Variants in CNPY1 observed in about 807,000 individuals in gnomAD.
CNPY1 encodes canopy FGF signaling regulator 1, also known as protein canopy homolog 1.
Under a neutral mutation model 14.4 loss-of-function variants are expected in CNPY1, and 14 were observed. That is an observed-to-expected ratio of 0.97 (90% CI 0.64 to 1.52). The LOEUF (loss-of-function observed/expected upper bound fraction) is 1.52, where lower values mean the gene tolerates loss of function less well. CNPY1 is among the 40% of genes most tolerant of loss of function. CNPY1 has a pLI of 0.00. For synonymous variants in CNPY1, 43 were observed against 46.5 expected (o/e 0.92, Z 0.31); for missense variants, 129 against 131.5 (o/e 0.98, Z 0.09).
chr7:155,532,702 ATT>A (rs11348912), intron 2 of CNPY1, among the ~76,000 whole-genome samples: 73 of 151,592 alleles, frequency 4.8e-4, no homozygotes, highest in African/African-American at 1.5e-3. Flanking sequence ...GTTGCTGAGA[ATT>A]TTTTTTTTCA....
chr7:155,513,392 GT>G (rs921993198), intron 2 of CNPY1, among the ~76,000 whole-genome samples: 61 of 152,244 alleles, frequency 4.0e-4, no homozygotes, highest in African/African-American at 1.5e-3. Context: ...ATTTAAACAC[GT>G]GAATTTGTGG....
intron 3 of CNPY1, 30 bp from the exon 4 acceptor site, chr7:155,507,146 A>G (rs1796344778): frequency 7.3e-7 from 1 of 1,361,826 alleles, no homozygotes; most frequent in Non-Finnish European, 1.0e-6. Context: ...ACATATGTGG[A>G]TAGACGCACA....
intron 2 of CNPY1, among the ~76,000 whole-genome samples, chr7:155,531,148 G>T (rs568830010): frequency 6.6e-6 from 1 of 152,152 alleles, no homozygotes; most frequent in East Asian, 1.9e-4. Context: ...GACACAACCC[G>T]CCTAGTTCCC....
intron 2 of CNPY1, among the ~76,000 whole-genome samples, chr7:155,541,887 T>G (rs1160428973): frequency 2.6e-5 from 4 of 152,160 alleles, no homozygotes; most frequent in African/African-American, 7.2e-5. Flanking sequence ...AGGGGATGCT[T>G]TGCTTGAAGG....
intron 2 of CNPY1, among the ~76,000 whole-genome samples, chr7:155,527,071 T>TTTTTTTTA (rs1796838700): frequency 6.9e-6 from 1 of 145,586 alleles, no homozygotes; most frequent in African/African-American, 2.5e-5. Context: ...TTTTTTTTTT[T>TTTTTTTTA]GAGACAGTCT....
At chr7:155,544,041 A>T (rs1358505458) in intron 2 of CNPY1, among the ~76,000 whole-genome samples, 1 of 152,230 alleles carries the variant, frequency 6.6e-6, no homozygotes, top group African/African-American at 2.4e-5. Context: ...TCTCCAGGCA[A>T]ACTTAATTCC....
chr7:155,535,355 C>T (rs1432216343), intron 2 of CNPY1, among the ~76,000 whole-genome samples: 2 of 152,192 alleles, frequency 1.3e-5, no homozygotes, highest in Non-Finnish European at 2.9e-5. Flanking sequence ...TCAGTTTGAA[C>T]ACTTGGGAGA....
At chr7:155,535,554 C>T (rs552478277) in intron 2 of CNPY1, among the ~76,000 whole-genome samples, 1 of 152,260 alleles carries the variant, frequency 6.6e-6, no homozygotes, top group Admixed American at 6.5e-5. Flanking sequence ...TGAAGGAAGC[C>T]GGGAATGAAC....
chr7:155,509,699 G>A (rs1796468358), intron 2 of CNPY1, among the ~76,000 whole-genome samples: 3 of 152,192 alleles, frequency 2.0e-5, no homozygotes, highest in African/African-American at 7.2e-5. Flanking sequence ...TGGACGTGGG[G>A]CTGGGAGAGG....
At chr7:155,527,757 A>G (rs1796856477) in intron 2 of CNPY1, among the ~76,000 whole-genome samples, 1 of 152,052 alleles carries the variant, frequency 6.6e-6, no homozygotes, top group Non-Finnish European at 1.5e-5. Flanking sequence ...TGGCCTTAAC[A>G]TTTTTAACAA....
chr7:155,544,386 C>T (rs922505982), intron 2 of CNPY1, among the ~76,000 whole-genome samples: 4 of 152,240 alleles, frequency 2.6e-5, no homozygotes, highest in Non-Finnish European at 5.9e-5. Context: ...GCGGTCATTT[C>T]CTTGGCTCCC....
At chr7:155,532,645 G>A (rs560840600) in intron 2 of CNPY1, among the ~76,000 whole-genome samples, 1 of 152,218 alleles carries the variant, frequency 6.6e-6, no homozygotes, top group Admixed American at 6.5e-5. Flanking sequence ...GACCCCAGAT[G>A]ATCCACTGCT....
At chr7:155,517,536 C>G (rs1338564223) in intron 2 of CNPY1, among the ~76,000 whole-genome samples, 3 of 152,322 alleles carry the variant, frequency 2.0e-5, no homozygotes, top group East Asian at 1.9e-4. Context: ...GAACAGGTGA[C>G]TCCACCTCCA....
chr7:155,515,879 A>G (rs1451263815), intron 2 of CNPY1, among the ~76,000 whole-genome samples: 1 of 152,198 alleles, frequency 6.6e-6, no homozygotes, highest in Non-Finnish European at 1.5e-5. Context: ...TTAAAACAAA[A>G]ACAAGAACAG....
At chr7:155,509,597 G>A (rs889842457) in intron 2 of CNPY1, among the ~76,000 whole-genome samples, 3 of 152,170 alleles carry the variant, frequency 2.0e-5, no homozygotes, top group African/African-American at 4.8e-5. Flanking sequence ...TAGTCGGGGA[G>A]AAGTTGGGGA....
intron 2 of CNPY1, among the ~76,000 whole-genome samples, chr7:155,518,149 G>C: frequency 6.6e-6 from 1 of 152,184 alleles, no homozygotes; most frequent in East Asian, 1.9e-4. Flanking sequence ...GCCAGGAGGG[G>C]TGGCCAGATC....
In CNPY1 at chr7:155,502,934, T is replaced by C; in HGVS notation, c.*134A>G. 1.4e-6 allele frequency: 1 copy of C among 728,014 alleles called. No individual in the cohort carries two copies. The highest frequency in any genetic ancestry group is 2.7e-5 in the East Asian group (1 of 37,108). The allele number at this position is 728,014 out of a possible 1,614,324, so 45.1% of individuals were successfully genotyped here. A position where few individuals can be genotyped will look rare whatever the true frequency, so the allele number is the denominator to read the frequency against. ...ACCAACAGATTTTCAAAATGAATCA[T>C]AAACGGAGACAAACACGGTATAAAC... On this transcript the variant is annotated 3_prime_UTR_variant, in exon 5 of 5. Transcript: ENST00000636446.
At chr7:155,529,628 T>C (rs1238766785) in intron 2 of CNPY1, among the ~76,000 whole-genome samples, 8 of 152,130 alleles carry the variant, frequency 5.3e-5, no homozygotes, top group Non-Finnish European at 1.2e-4. Context: ...GTGTGTGTCT[T>C]TGTGTCTCCA....
intron 2 of CNPY1, among the ~76,000 whole-genome samples, chr7:155,535,364 G>T (rs1416830712): frequency 6.6e-6 from 1 of 152,228 alleles, no homozygotes; most frequent in Non-Finnish European, 1.5e-5. Context: ...ACACTTGGGA[G>T]AGGAGGAAGG....
Sources: allele counts gnomAD v4.1 joint callset (sites outside exome capture counted in the v4.1 genomes callset), GRCh38; gene constraint gnomAD v4.1.1; transcripts MANE v1.5; gene names NCBI Gene and HGNC (gene_info 2026-07-23, HGNC 2026-07-21).